Variants in HSPA12A observed in about 807,000 individuals in gnomAD.
HSPA12A encodes heat shock 70 kDa protein 12A.
HSPA12A carries 28 observed loss-of-function variants against 69.2 expected under a neutral mutation model. That is an observed-to-expected ratio of 0.40 (90% CI 0.30 to 0.55). The LOEUF (loss-of-function observed/expected upper bound fraction) is 0.55. HSPA12A is among the 20% of genes least tolerant of loss of function. The pLI is 0.38. For missense variants in HSPA12A, 686 were observed against 900.7 expected (o/e 0.76, Z 3.05); for synonymous variants, 345 against 370.5 (o/e 0.93, Z 0.79).
intron 2 of HSPA12A, among the ~76,000 whole-genome samples, chr10:116,761,284 G>A (rs963289732): frequency 7.2e-5 from 11 of 152,038 alleles, no homozygotes; most frequent in African/African-American, 2.7e-4. Context: ...TTAGGAGTTC[G>A]AGGCCAGACT....
Position 116,673,948 on chromosome 10 carries a change from C to G in HSPA12A, c.*833G>C, listed in dbSNP as rs1849155391. 6.6e-6 allele frequency: 1 copy of G among 152,048 alleles called. No homozygotes were observed. The highest frequency in any genetic ancestry group is 6.5e-5 in the Admixed American group (1 of 15,268). The allele number at this position is 152,048 out of a possible 1,614,324, so 9.4% of individuals were successfully genotyped here. A position where few individuals can be genotyped will look rare whatever the true frequency, so the allele number is the denominator to read the frequency against. On this transcript the variant is annotated 3_prime_UTR_variant, in exon 12 of 12. Transcript: ENST00000369209. ...ACCAATGGCAACCTCATTTTCTTAC[C>G]CAGAATTCCTACTAAGGTTCACTAG...
intron 2 of HSPA12A, chr10:116,830,136 C>A (rs187209057): frequency 2.0e-5 from 3 of 152,354 alleles, no homozygotes; most frequent in Admixed American, 1.3e-4. Flanking sequence ...GAACACTATT[C>A]TAGCCAGGCA....
chr10:116,699,837 A>G (rs562641528), intron 4 of HSPA12A, among the ~76,000 whole-genome samples: 1 of 152,364 alleles, frequency 6.6e-6, no homozygotes, highest in South Asian at 2.1e-4. Flanking sequence ...GTTCATTTCT[A>G]GCAGAACTTG....
Position 116,675,547 on chromosome 10 carries a change from G to T in HSPA12A, c.1391-129C>A. On this transcript the variant is annotated intron_variant, in intron 11 of 11. Coordinates refer to ENST00000369209, the MANE Select transcript of HSPA12A (RefSeq NM_025015.3). The surrounding 1 kb of genome is among the most constrained non-coding windows in gnomAD (Gnocchi z 5.2). Reference sequence around the variant, plus strand: ...CACTGGGAGGGCAGGCTTACTCTGAGCTCCTTGAACAGAATCTTTGCAGAA... The same window carrying T: ...CACTGGGAGGGCAGGCTTACTCTGATCTCCTTGAACAGAATCTTTGCAGAA... 1.1e-6 allele frequency: 1 copy of T among 912,980 alleles called. No individual in the cohort carries two copies. Among genetic ancestry groups the T allele is most frequent in the Non-Finnish European group, 1.6e-6 (1 of 611,610 alleles). The allele number at this position is 912,980 out of a possible 1,614,324, so 56.6% of individuals were successfully genotyped here. A position where few individuals can be genotyped will look rare whatever the true frequency, so the allele number is the denominator to read the frequency against.
At chr10:116,811,138 A>G (rs925946401) in intron 2 of HSPA12A, among the ~76,000 whole-genome samples, 4 of 152,168 alleles carry the variant, frequency 2.6e-5, no homozygotes, top group African/African-American at 9.7e-5. Context: ...ACAGCTGGCC[A>G]TGATAGCAAT....
At chr10:116,733,251 A>T (rs957743702) in intron 1 of HSPA12A, among the ~76,000 whole-genome samples, 1 of 152,172 alleles carries the variant, frequency 6.6e-6, no homozygotes, top group Non-Finnish European at 1.5e-5. Flanking sequence ...TAAAGGAAAG[A>T]AAAGGAAGTA....
intron 2 of HSPA12A, among the ~76,000 whole-genome samples, chr10:116,771,477 G>A (rs1310391399): frequency 6.6e-6 from 1 of 152,256 alleles, no homozygotes; most frequent in Non-Finnish European, 1.5e-5. Flanking sequence ...GAGGAAGGAA[G>A]AGAAGCCACT....
chr10:116,746,000 C>G (rs1851639777), upstream of HSPA12A, among the ~76,000 whole-genome samples: 1 of 152,108 alleles, frequency 6.6e-6, no homozygotes, highest in South Asian at 2.1e-4. Context: ...CTCTAGCTGC[C>G]AGCTCTCCAA....
At chr10:116,786,602 T>C (rs1187284920) in intron 2 of HSPA12A, among the ~76,000 whole-genome samples, 1 of 152,206 alleles carries the variant, frequency 6.6e-6, no homozygotes, top group East Asian at 1.9e-4. Context: ...TCAGTGGCGT[T>C]CATCTGTAGC....
intron 2 of HSPA12A, among the ~76,000 whole-genome samples, chr10:116,810,677 C>T (rs374375305): frequency 6.6e-6 from 1 of 152,274 alleles, no homozygotes; most frequent in Admixed American, 6.5e-5. Context: ...AAAATTCTGG[C>T]CCCCTCCTCC....
chr10:116,740,689 T>C (rs1397275459), intron 1 of HSPA12A, among the ~76,000 whole-genome samples: 8 of 134,652 alleles, frequency 5.9e-5, no homozygotes, highest in African/African-American at 2.5e-4. Flanking sequence ...TGTGTGTGTG[T>C]GTGTGTGCGT....
intron 2 of HSPA12A, among the ~76,000 whole-genome samples, chr10:116,783,428 G>A (rs147324085): frequency 5.4e-4 from 82 of 152,282 alleles, no homozygotes; most frequent in Non-Finnish European, 7.8e-4. Context: ...GTCTGCCCAC[G>A]ATTATTGACT....
intron 6 of HSPA12A, among the ~76,000 whole-genome samples, chr10:116,685,461 C>T (rs1268816308): frequency 6.6e-6 from 1 of 151,506 alleles, no homozygotes; most frequent in Admixed American, 6.6e-5. Flanking sequence ...ATGGTGAAAC[C>T]CCGTCTCTAC....
intron 1 of HSPA12A, among the ~76,000 whole-genome samples, chr10:116,725,951 A>C (rs113306963): frequency 1.4e-4 from 22 of 151,772 alleles, no homozygotes; most frequent in African/African-American, 5.3e-4. Flanking sequence ...CGTTTACAGA[A>C]TGCAACTCAG....
intron 5 of HSPA12A, among the ~76,000 whole-genome samples, chr10:116,695,214 G>A (rs376786855): frequency 5.3e-5 from 8 of 152,254 alleles, no homozygotes; most frequent in African/African-American, 1.7e-4. Context: ...CCACCCTGCA[G>A]GCTCTCGGGA....
chr10:116,710,043 C>T lies in HSPA12A; in HGVS notation c.41-2758G>A, dbSNP rs1202523773. Reference sequence around the variant, plus strand: ...GTTCCTAGACCAGCCTGCTGATCTCCACCATCTTTGCTAATCTCCCAGCAC... The same window carrying T: ...GTTCCTAGACCAGCCTGCTGATCTCTACCATCTTTGCTAATCTCCCAGCAC... On this transcript the variant is annotated intron_variant, in intron 1 of 11. Transcript: ENST00000369209. The surrounding 1 kb of genome is among the most constrained non-coding windows in gnomAD (Gnocchi z 4.1). 6.6e-6 allele frequency among the ~76,000 whole-genome samples: 1 copy of T among 152,156 alleles called. No individual in the cohort carries two copies. The highest frequency in any genetic ancestry group is 1.5e-5 in the Non-Finnish European group (1 of 68,028).
intron 2 of HSPA12A, among the ~76,000 whole-genome samples, chr10:116,766,891 C>A (rs1844089564): frequency 1.3e-5 from 2 of 152,184 alleles, no homozygotes; most frequent in African/African-American, 4.8e-5. Flanking sequence ...ACCCGTAGGG[C>A]CCCCAGGGAA....
intron 4 of HSPA12A, among the ~76,000 whole-genome samples, chr10:116,699,245 T>C (rs1257441365): frequency 6.6e-6 from 1 of 152,144 alleles, no homozygotes; most frequent in Non-Finnish European, 1.5e-5. Flanking sequence ...AGCTCCTATT[T>C]TAAGGCTTGC....
At chr10:116,794,821 G>GA (rs1037278573) in intron 2 of HSPA12A, among the ~76,000 whole-genome samples, 2 of 150,668 alleles carry the variant, frequency 1.3e-5, no homozygotes, top group Admixed American at 6.6e-5. Context: ...CCAAAGAAAA[G>GA]AAAAAAAAGA....
Sources: gnomAD v4.1 joint callset for allele counts (sites outside exome capture counted in the v4.1 genomes callset) on GRCh38, gnomAD v4.1.1 for gene constraint, Gnocchi (gnomAD v3.1) non-coding constraint, MANE v1.5 for transcripts, NCBI Gene and HGNC (gene_info 2026-07-23, HGNC 2026-07-21) for gene names.